Variants in MAP1LC3B2 observed in about 807,000 individuals in gnomAD.
MAP1LC3B2 encodes microtubule-associated protein 1 light chain 3 beta 2.
For synonymous variants in MAP1LC3B2, 62 were observed against 57.8 expected, an observed-to-expected ratio of 1.07 and a Z score of -0.33; for missense variants, 155 against 154.6, an observed-to-expected ratio of 1.00 and a Z score of -0.01.
chr12:116,568,892 T>TCTTA (rs1555247249), intron 1 of MAP1LC3B2, among the ~76,000 whole-genome samples: 1 of 145,766 alleles, frequency 6.9e-6, no homozygotes, highest in African/African-American at 2.6e-5. Flanking sequence ...TGAGACAGAA[T>TCTTA]CTCTGTCTCC....
chr12:116,565,991 C>T (rs1003797096), intron 1 of MAP1LC3B2, among the ~76,000 whole-genome samples: 2 of 152,194 alleles, frequency 1.3e-5, no homozygotes, highest in African/African-American at 2.4e-5. Context: ...GTTCTTTCCC[C>T]TGACATCTCT....
chr12:116,575,199 A>C (rs1869640273), intron 1 of MAP1LC3B2, among the ~76,000 whole-genome samples: 1 of 151,306 alleles, frequency 6.6e-6, no homozygotes, highest in South Asian at 2.1e-4. Context: ...AAAAAAAAGC[A>C]AGCAAATATT....
chr12:116,569,154 G>A (rs915216505), intron 1 of MAP1LC3B2, among the ~76,000 whole-genome samples: 4 of 152,000 alleles, frequency 2.6e-5, no homozygotes, highest in Admixed American at 6.6e-5. Context: ...GAACTACCGC[G>A]CCCGGCCAAT....
In MAP1LC3B2 at chr12:116,573,777, A is replaced by G. The variant is rs191888386; in HGVS notation, c.-101-2065A>G. On this transcript the variant is annotated intron_variant, in intron 1 of 1. Coordinates refer to ENST00000556529, the MANE Select transcript of MAP1LC3B2 (RefSeq NM_001085481.3). ...AGTGATCCACTCGCCTTGGCTGCCC[A>G]AAGTTCTGGCATGAGCCACTGCGCC... Among the ~76,000 whole-genome samples, 67 of 152,316 alleles carry G rather than the reference A, an allele frequency of 4.4e-4. 1 individual carries two copies. Among genetic ancestry groups the G allele is most frequent in the Non-Finnish European group, 8.8e-5 (6 of 68,026 alleles).
intron 1 of MAP1LC3B2, among the ~76,000 whole-genome samples, chr12:116,571,733 G>A (rs1365815679): frequency 1.3e-5 from 2 of 151,568 alleles, no homozygotes; most frequent in South Asian, 2.1e-4. Context: ...CGCCTGTCTC[G>A]GCCGCCCAAA....
Position 116,576,423 on chromosome 12 carries a change from C to T in MAP1LC3B2, c.*103C>T. 2.0e-6 allele frequency: 3 copies of T among 1,500,480 alleles called. No individual in the cohort carries two copies. The highest frequency in any genetic ancestry group is 2.7e-6 in the Non-Finnish European group (3 of 1,115,284). 92.9% of individuals were successfully genotyped at this position (1,500,480 alleles called of 1,614,324 possible). ...TCGATCAGTTCATCTAATCACAGAT[C>T]ATCAAACAGTAGTGTTCCCACCTAG... On this transcript the variant is annotated 3_prime_UTR_variant, in exon 2 of 2. Transcript: ENST00000556529.
intron 1 of MAP1LC3B2, among the ~76,000 whole-genome samples, chr12:116,564,607 C>T (rs1869345272): frequency 1.3e-5 from 2 of 152,182 alleles, no homozygotes; most frequent in Admixed American, 1.3e-4. Flanking sequence ...CAGCTTATAC[C>T]TCTCCAATAG....
chr12:116,564,725 A>T (rs1204535696), intron 1 of MAP1LC3B2, among the ~76,000 whole-genome samples: 1 of 152,178 alleles, frequency 6.6e-6, no homozygotes, highest in Non-Finnish European at 1.5e-5. Flanking sequence ...ATGTGTCCAT[A>T]TAACACCATC....
At chr12:116,572,219 G>T (rs1869555308) in intron 1 of MAP1LC3B2, among the ~76,000 whole-genome samples, 1 of 152,146 alleles carries the variant, frequency 6.6e-6, no homozygotes, top group Admixed American at 6.5e-5. Flanking sequence ...AGCAGCACGG[G>T]CATCGTCTAT....
intron 1 of MAP1LC3B2, among the ~76,000 whole-genome samples, chr12:116,564,852 A>C (rs1869350574): frequency 6.6e-6 from 1 of 152,192 alleles, no homozygotes; most frequent in Admixed American, 6.5e-5. Flanking sequence ...CCTGTGCTGC[A>C]GTCTAAAAAG....
intron 1 of MAP1LC3B2, among the ~76,000 whole-genome samples, chr12:116,560,395 C>T (rs1041084617): frequency 3.4e-4 from 51 of 151,570 alleles, no homozygotes; most frequent in Non-Finnish European, 3.4e-4. Flanking sequence ...ATTACAGGTG[C>T]GCCACCACGC....
chr12:116,571,458 CTTTTTTTTTTTTTTTTTTTTTTTTTTTT>C lies in MAP1LC3B2; in HGVS notation c.-101-4371_-101-4344del, dbSNP rs71095564. Among the ~76,000 whole-genome samples, 11 of 48,110 alleles carry C rather than the reference CTTTTTTTTTTTTTTTTTTTTTTTTTTTT, an allele frequency of 2.3e-4. 1 individual carries two copies. The East Asian group carries it at 0.012, about 54-fold the overall frequency. The allele number at this position is 48,110 out of a possible 152,430, so 31.6% of individuals were successfully genotyped here. On this transcript the variant is annotated intron_variant, in intron 1 of 1. Coordinates refer to ENST00000556529, the MANE Select transcript of MAP1LC3B2 (RefSeq NM_001085481.3). ...TAGATGGGAGTAAGGGACTGCTGTT[CTTTTTTTTTTTTTTTTTTTTTTTTTTTT>C]TTTTTTTTTTTTGAGACGGAGTCTC...
chr12:116,568,214 C>G (rs1295369650), intron 1 of MAP1LC3B2, among the ~76,000 whole-genome samples: 2 of 152,184 alleles, frequency 1.3e-5, no homozygotes, highest in African/African-American at 4.8e-5. Flanking sequence ...CTCTGAGAAT[C>G]TGCTGAGAGT....
At chr12:116,567,454 T>C (rs924499860) in intron 1 of MAP1LC3B2, among the ~76,000 whole-genome samples, 1 of 151,180 alleles carries the variant, frequency 6.6e-6, no homozygotes, top group Middle Eastern at 3.2e-3. Context: ...AAATCTTTTT[T>C]TTTTTTTTTT....
At chr12:116,560,190 ATATATATATATATATATATATAT>A (rs1869218999) in intron 1 of MAP1LC3B2, 1 of 812 alleles carries the variant, frequency 1.2e-3, no homozygotes, top group African/African-American at 2.4e-3. Flanking sequence ...AAGTTTGGCT[ATATATATATATATATATATATAT>A]ATATATATAT....
At position 116,561,091 on chromosome 12, in the gene MAP1LC3B2, TG is replaced by T. The variant is rs375546756; in HGVS notation, c.-102+1661del. Reference sequence around the variant, plus strand: ...GAGATTGTGCCACTGTACTCCAGCTTGGGCAACAGAGCACGACTCCATCTCA... The same window carrying T: ...GAGATTGTGCCACTGTACTCCAGCTTGGCAACAGAGCACGACTCCATCTCA... On this transcript the variant is annotated intron_variant, in intron 1 of 1. Transcript: ENST00000556529. Among the ~76,000 whole-genome samples, 963 of 152,156 alleles carry T rather than the reference TG, an allele frequency of 6.3e-3. 14 individuals carry two copies. The highest frequency in any genetic ancestry group is 0.022 in the African/African-American group (900 of 41,496).
intron 1 of MAP1LC3B2, among the ~76,000 whole-genome samples, chr12:116,573,015 C>A (rs887984980): frequency 6.6e-6 from 1 of 152,114 alleles, no homozygotes; most frequent in African/African-American, 2.4e-5. Flanking sequence ...ACCTCTGCCT[C>A]CTGGGTTCAA....
chr12:116,572,094 T>C (rs1214421744), intron 1 of MAP1LC3B2, among the ~76,000 whole-genome samples: 1 of 152,136 alleles, frequency 6.6e-6, no homozygotes, highest in African/African-American at 2.4e-5. Flanking sequence ...GTCCTCTCTA[T>C]AGACATCAGA....
chr12:116,566,683 G>A (rs945936178), intron 1 of MAP1LC3B2, among the ~76,000 whole-genome samples: 4 of 141,840 alleles, frequency 2.8e-5, no homozygotes, highest in Non-Finnish European at 6.0e-5. Flanking sequence ...TGTAATCCAA[G>A]CACTTTAGGA....
Sources: allele counts gnomAD v4.1 joint callset (sites outside exome capture counted in the v4.1 genomes callset), GRCh38; gene constraint gnomAD v4.1.1; transcripts MANE v1.5; gene names NCBI Gene and HGNC (gene_info 2026-07-23, HGNC 2026-07-21).